The following CLVS1 variants were observed in gnomAD, a reference collection of about 807,000 sequenced individuals.
The protein encoded by CLVS1 is clavesin 1, also known as clavesin-1.
In CLVS1, 10 loss-of-function variants were observed where a neutral mutation model predicts 33.1. That is an observed-to-expected ratio of 0.30 (90% confidence interval 0.19 to 0.51). The LOEUF (loss-of-function observed/expected upper bound fraction) is 0.51, where lower values mean the gene tolerates loss of function less well. Ranked by LOEUF, CLVS1 falls within the 20% of genes least tolerant of loss-of-function variation. The pLI is 0.97. For missense variants in CLVS1, 343 were observed against 433.4 expected, an observed-to-expected ratio of 0.79 and a Z score of 1.85; for synonymous variants, 163 against 166.1, an observed-to-expected ratio of 0.98 and a Z score of 0.14.
At chr8:61,050,678 C>T in the CLVS1 span, among the ~76,000 whole-genome samples, 15 of 152,336 alleles carry the variant, frequency 9.8e-5, no homozygotes, top group South Asian at 3.1e-3. Context: ...CTTTTATCTG[C>T]CTACAGATGA....
chr8:61,207,131 A>G (rs1269742491), intron 2 of CLVS1, among the ~76,000 whole-genome samples: 1 of 152,234 alleles, frequency 6.6e-6, no homozygotes, highest in African/African-American at 2.4e-5. Flanking sequence ...AAATATTAAT[A>G]TAAACAAACC....
chr8:61,180,767 G>C (rs1563433820), intron 2 of CLVS1, among the ~76,000 whole-genome samples: 1 of 152,056 alleles, frequency 6.6e-6, no homozygotes, highest in Admixed American at 6.5e-5. Context: ...ATGCAAAAAA[G>C]GCCTTTGATA....
chr8:61,263,768 T>A (rs1809253201), intron 2 of CLVS1, among the ~76,000 whole-genome samples: 1 of 152,202 alleles, frequency 6.6e-6, no homozygotes, highest in Admixed American at 6.5e-5. Context: ...AGCTATTTAG[T>A]CTCTCTAAGC....
intron 2 of CLVS1, among the ~76,000 whole-genome samples, chr8:61,170,206 A>T (rs1806965140): frequency 6.6e-6 from 1 of 152,182 alleles, no homozygotes; most frequent in African/African-American, 2.4e-5. Context: ...GTTGGGCATT[A>T]CACTGGCTAC....
rs1168444533 is a variant in CLVS1, at chr8:61,370,189, T to A, written c.456-6416T>A. ...TTAAAGACAGAACTGGGCAAAGAGT[T>A]TTTTTATAAAAAAAATTTTATTTTT... is the stretch of plus-strand genomic sequence containing the variant. On this transcript the variant is annotated intron_variant, in intron 2 of 5. Coordinates refer to ENST00000325897, the MANE Select transcript of CLVS1 (RefSeq NM_173519.3). Among the ~76,000 whole-genome samples, 5 of 93,524 alleles carry A rather than the reference T, an allele frequency of 5.3e-5. No individual in the cohort carries two copies. In the East Asian group the frequency reaches 1.6e-3, roughly 30 times the overall value. 61.4% of individuals were successfully genotyped at this position (93,524 alleles called of 152,430 possible). A position where few individuals can be genotyped will look rare whatever the true frequency, so the allele number is the denominator to read the frequency against.
the CLVS1 span, among the ~76,000 whole-genome samples, chr8:61,010,990 C>T: frequency 6.6e-6 from 1 of 152,254 alleles, no homozygotes; most frequent in Non-Finnish European, 1.5e-5. Context: ...ACCAATTCAG[C>T]TAAGAGTCCC....
intron 2 of CLVS1, among the ~76,000 whole-genome samples, chr8:61,228,869 T>G (rs1296348860): frequency 6.6e-6 from 1 of 152,212 alleles, no homozygotes; most frequent in African/African-American, 2.4e-5. Context: ...GTGCAGACAT[T>G]TCTTCAACAT....
rs542975045 is a variant in CLVS1, at chr8:61,467,082, C to CAT, written c.977+8550_977+8551dup. 4.4e-3 allele frequency among the ~76,000 whole-genome samples: 673 copies of CAT among 152,146 alleles called. 2 individuals are homozygous for CAT. Among genetic ancestry groups the CAT allele is most frequent in the African/African-American group, 0.015 (641 of 41,484 alleles). ...ATGTATACACACAGATATACATGTACATATATATATAATTGTTAAAAGATT... is the reference window on the plus strand; with the variant it reads ...ATGTATACACACAGATATACATGTACATATATATATATAATTGTTAAAAGATT... On this transcript the variant is annotated intron_variant, in intron 5 of 5. Coordinates refer to ENST00000325897, the MANE Select transcript of CLVS1 (RefSeq NM_173519.3).
chr8:61,160,231 T>C (rs1409388605), intron 2 of CLVS1, among the ~76,000 whole-genome samples: 2 of 152,218 alleles, frequency 1.3e-5, no homozygotes, highest in East Asian at 3.8e-4. Flanking sequence ...TAGAAATTAA[T>C]TGTACAATCT....
chr8:61,215,911 T>A (rs903912890), intron 2 of CLVS1, among the ~76,000 whole-genome samples: 6 of 152,150 alleles, frequency 3.9e-5, no homozygotes, highest in Non-Finnish European at 8.8e-5. Context: ...TTCCACCCCT[T>A]GTTCAATCCA....
Position 61,160,677 on chromosome 8 carries a change from C to CT in CLVS1, c.-152+28824dup, listed in dbSNP as rs984854527. 2.6e-5 allele frequency among the ~76,000 whole-genome samples: 4 copies of CT among 151,936 alleles called. No homozygotes were observed. The East Asian group carries it at 5.8e-4, about 22-fold the overall frequency. On this transcript the variant is annotated intron_variant, in intron 2 of 2. Transcript: ENST00000522621. Reference sequence around the variant, plus strand: ...AGGTATAAATGACAGAAATAAATGACTTTTTTTGGTGGGCATTTACTTTTC... The same window carrying CT: ...AGGTATAAATGACAGAAATAAATGACTTTTTTTTGGTGGGCATTTACTTTTC...
intron 3 of CLVS1, among the ~76,000 whole-genome samples, chr8:61,421,093 G>C (rs1348882911): frequency 6.6e-6 from 1 of 152,114 alleles, no homozygotes; most frequent in Non-Finnish European, 1.5e-5. Context: ...TTGCTTTTGA[G>C]GTGCATTAGA....
At chr8:61,033,165 G>GAA in the CLVS1 span, among the ~76,000 whole-genome samples, 2 of 127,216 alleles carry the variant, frequency 1.6e-5, no homozygotes, top group Admixed American at 8.3e-5. Flanking sequence ...GAAAGAAAAA[G>GAA]AAAGAAAGAA....
intron 5 of CLVS1, among the ~76,000 whole-genome samples, chr8:61,475,513 T>C (rs574787931): frequency 1.3e-5 from 2 of 152,394 alleles, no homozygotes; most frequent in Admixed American, 6.5e-5. Flanking sequence ...TGGTATCTCA[T>C]TGTGGTTTTG....
At chr8:61,359,812 A>G (rs1408236778) in intron 2 of CLVS1, among the ~76,000 whole-genome samples, 2 of 152,146 alleles carry the variant, frequency 1.3e-5, no homozygotes, top group East Asian at 3.9e-4. Context: ...CTTTTCCCCA[A>G]TTAGATGTTT....
intron 1 of CLVS1, among the ~76,000 whole-genome samples, chr8:61,077,066 G>C (rs1377917530): frequency 1.3e-5 from 2 of 152,002 alleles, no homozygotes; most frequent in Non-Finnish European, 1.5e-5. Context: ...GAAACCGTAT[G>C]ATCTAATTTT....
intron 1 of CLVS1, among the ~76,000 whole-genome samples, chr8:61,112,252 T>C (rs1157596546): frequency 6.6e-6 from 1 of 151,650 alleles, no homozygotes; most frequent in East Asian, 1.9e-4. Context: ...AGGTTCATAT[T>C]ATTTTCCTCT....
chr8:61,130,398 C>A (rs1445778171), intron 1 of CLVS1, among the ~76,000 whole-genome samples: 1 of 151,912 alleles, frequency 6.6e-6, no homozygotes, highest in Non-Finnish European at 1.5e-5. Flanking sequence ...CCACATTGAC[C>A]CAATTCATGC....
intron 3 of CLVS1, among the ~76,000 whole-genome samples, chr8:61,443,200 C>T (rs931638675): frequency 6.6e-6 from 1 of 152,164 alleles, no homozygotes; most frequent in African/African-American, 2.4e-5. Context: ...TCATCTACTT[C>T]GCATGAGCTT....
Sources: allele counts gnomAD v4.1 joint callset (sites outside exome capture counted in the v4.1 genomes callset), GRCh38; gene constraint gnomAD v4.1.1; transcripts MANE v1.5; gene names NCBI Gene and HGNC (gene_info 2026-07-23, HGNC 2026-07-21).